The following PCDH15 variants were observed in gnomAD, a reference collection of about 807,000 sequenced individuals.
PCDH15 encodes the protein protocadherin-15.
Under a neutral mutation model 178.5 loss-of-function variants are expected in PCDH15, and 129 were observed. That is an observed-to-expected ratio of 0.72 (90% CI 0.63 to 0.84). The LOEUF (loss-of-function observed/expected upper bound fraction) is 0.84, where lower values mean the gene tolerates loss of function less well. Among genes scored for constraint, PCDH15 ranks in the 40% least tolerant of loss-of-function variants. The pLI is 0.00. For synonymous variants in PCDH15, 800 were observed against 732.0 expected, an observed-to-expected ratio of 1.09 and a Z score of -1.50; for missense variants, 2,230 against 2,099.9, an observed-to-expected ratio of 1.06 and a Z score of -1.21.
At chr10:54,519,648 T>C (rs1183960522) in intron 3 of PCDH15, among the ~76,000 whole-genome samples, 3 of 152,134 alleles carry the variant, frequency 2.0e-5, no homozygotes, top group East Asian at 3.9e-4. Flanking sequence ...CAAGGTAATT[T>C]ATAGATTCAA....
At chr10:55,612,933 G>T (rs943357323) in intron 2 of PCDH15, among the ~76,000 whole-genome samples, 1 of 151,314 alleles carries the variant, frequency 6.6e-6, no homozygotes, top group Non-Finnish European at 1.5e-5. Context: ...ATAAGCTATG[G>T]TATGATATTC....
intron 11 of PCDH15, among the ~76,000 whole-genome samples, chr10:54,192,699 T>C (rs1490450549): frequency 6.6e-6 from 1 of 152,134 alleles, no homozygotes; most frequent in African/African-American, 2.4e-5. Context: ...GGCATACTTG[T>C]TCACTCTCTG....
intron 18 of PCDH15, 23 bp from the exon 19 acceptor site, chr10:54,023,220 A>T (rs200246418): frequency 6.2e-7 from 1 of 1,606,812 alleles, no homozygotes. Context: ...ACAAAAAAAC[A>T]AAAAAATTCA....
At chr10:54,561,214 AT>A (rs1351604305) in intron 2 of PCDH15, among the ~76,000 whole-genome samples, 11 of 152,102 alleles carry the variant, frequency 7.2e-5, no homozygotes, top group Non-Finnish European at 1.6e-4. Flanking sequence ...ATTTGATGTG[AT>A]TTTAAGGTCA....
At chr10:55,392,881 G>T (rs1357049465) in intron 2 of PCDH15, among the ~76,000 whole-genome samples, 2 of 151,782 alleles carry the variant, frequency 1.3e-5, no homozygotes, top group African/African-American at 4.8e-5. Flanking sequence ...TGCTTTTAAT[G>T]TATTAGCTCA....
At chr10:54,075,094 C>T (rs1335585153) in intron 17 of PCDH15, among the ~76,000 whole-genome samples, 8 of 152,106 alleles carry the variant, frequency 5.3e-5, no homozygotes, top group Non-Finnish European at 1.0e-4. Context: ...AAAAAATTCT[C>T]GGGCTGGGCG....
rs541933619 is a variant in PCDH15 at position 55,259,768 on chromosome 10, G to A, written c.-156+59831C>T. Among the ~76,000 whole-genome samples the A allele has an allele frequency of 1.8e-3, 270 of 151,624 alleles. 2 individuals carry two copies. Among genetic ancestry groups the A allele is most frequent in the Non-Finnish European group, 1.8e-3 (125 of 67,848 alleles). ...AAATACAAAATTAGCTGGGCGTGGC[G>A]GTGCATGCCTGTAATCCCAGCTACT... On this transcript the variant is annotated intron_variant, in intron 1 of 5. Transcript: ENST00000458638.
At chr10:55,156,610 C>T (rs1050525390) in intron 2 of PCDH15, among the ~76,000 whole-genome samples, 3 of 152,114 alleles carry the variant, frequency 2.0e-5, no homozygotes, top group Admixed American at 2.0e-4. Flanking sequence ...AAAATTGACT[C>T]TCTTATTAGA....
chr10:54,460,546 G>A lies in PCDH15; in HGVS notation c.157+67266C>T, dbSNP rs553956930. Reference sequence around the variant, plus strand: ...CAGGGCACCAAACACCAAGAAATAAGCAAGTAAAACATGGAGCGGGAATCC... The same window carrying A: ...CAGGGCACCAAACACCAAGAAATAAACAAGTAAAACATGGAGCGGGAATCC... On this transcript the variant is annotated intron_variant, in intron 3 of 37. Coordinates refer to ENST00000644397, the MANE Select transcript of PCDH15 (RefSeq NM_001384140.1). Among the ~76,000 whole-genome samples, 3 of 152,138 alleles carry A rather than the reference G, an allele frequency of 2.0e-5. No homozygotes were observed. The East Asian group carries it at 5.8e-4, about 29-fold the overall frequency.
rs1399785365 is a variant in PCDH15, at chr10:55,459,878, A to C, written c.-156+167747T>G. On this transcript the variant is annotated intron_variant, in intron 2 of 5. Transcript: ENST00000613346. ...GTGGTTATGTTCAAACTTCAATTAA[A>C]AATATAACTAAAAAAAGAAAATTAT... Among the ~76,000 whole-genome samples, 3 of 152,110 alleles carry C rather than the reference A, an allele frequency of 2.0e-5. No individual in the cohort carries two copies. The East Asian group carries it at 5.8e-4, about 29-fold the overall frequency.
intron 2 of PCDH15, among the ~76,000 whole-genome samples, chr10:55,407,889 G>T (rs776790581): frequency 6.6e-6 from 1 of 152,126 alleles, no homozygotes; most frequent in Non-Finnish European, 1.5e-5. Flanking sequence ...TTTGACCAAA[G>T]GCTATCATCT....
At chr10:54,204,620 G>A (rs1309972998) in intron 10 of PCDH15, among the ~76,000 whole-genome samples, 6 of 152,010 alleles carry the variant, frequency 3.9e-5, no homozygotes, top group Middle Eastern at 6.8e-3. Context: ...AATAAGCTAT[G>A]AACTTGCTCC....
At chr10:55,491,451 G>T (rs1311162900) in intron 2 of PCDH15, among the ~76,000 whole-genome samples, 3 of 151,590 alleles carry the variant, frequency 2.0e-5, no homozygotes, top group Admixed American at 2.0e-4. Flanking sequence ...TCAGATGGAG[G>T]TTTCACGATG....
At chr10:55,194,786 T>C (rs988805756) in intron 1 of PCDH15, among the ~76,000 whole-genome samples, 2 of 151,806 alleles carry the variant, frequency 1.3e-5, no homozygotes, top group African/African-American at 4.8e-5. Context: ...CGACTATATA[T>C]AGTATGAATG....
chr10:53,821,206 T>C, intron 32 of PCDH15: 5 of 964,218 alleles, frequency 5.2e-6, no homozygotes, highest in Non-Finnish European at 6.1e-6. Flanking sequence ...ATCAAATCCA[T>C]AAGCATACTA....
chr10:54,295,842 G>A (rs187395422), intron 8 of PCDH15, among the ~76,000 whole-genome samples: 2 of 152,088 alleles, frequency 1.3e-5, no homozygotes, highest in Non-Finnish European at 2.9e-5. Context: ...GGCACCTGTC[G>A]GTCAGTTAAA....
At chr10:55,547,910 T>TGTGTGTGTGTGAGAGAGA (rs541144266) in intron 2 of PCDH15, among the ~76,000 whole-genome samples, 3 of 54,530 alleles carry the variant, frequency 5.5e-5, no homozygotes, top group East Asian at 1.1e-3. Context: ...TGTGTGTGTG[T>TGTGTGTGTGTGAGAGAGA]GAGAGAGAGA....
At chr10:54,043,124 T>A (rs912648942) in intron 18 of PCDH15, among the ~76,000 whole-genome samples, 1 of 152,118 alleles carries the variant, frequency 6.6e-6, no homozygotes, top group African/African-American at 2.4e-5. Context: ...GGGAGCCTGG[T>A]TTAATGCCAT....
At chr10:53,830,148 A>G (rs1475294308) in intron 30 of PCDH15, among the ~76,000 whole-genome samples, 1 of 152,002 alleles carries the variant, frequency 6.6e-6, no homozygotes, top group Non-Finnish European at 1.5e-5. Context: ...CTAAAAATAC[A>G]AAAATTAGCC....
Sources: allele counts gnomAD v4.1 joint callset (sites outside exome capture counted in the v4.1 genomes callset), GRCh38; gene constraint gnomAD v4.1.1; transcripts MANE v1.5; gene names NCBI Gene and HGNC (gene_info 2026-07-23, HGNC 2026-07-21).